The following CBL variants were observed in gnomAD, a reference collection of about 807,000 sequenced individuals.
CBL encodes the protein E3 ubiquitin-protein ligase CBL.
CBL carries 45 observed loss-of-function variants against 96.9 expected under a neutral mutation model. That is an observed-to-expected ratio of 0.46 (90% CI 0.37 to 0.60). The LOEUF is 0.60. Among genes scored for constraint, CBL ranks in the 20% least tolerant of loss-of-function variants. The pLI, the probability that CBL is intolerant of heterozygous loss-of-function variation, is 0.00. For synonymous variants in CBL, 420 were observed against 426.8 expected (o/e 0.98, Z 0.20); for missense variants, 1,024 against 1,143.5 (o/e 0.90, Z 1.51).
In CBL at chr11:119,306,363, T is replaced by G; in HGVS notation, c.*6582T>G. ...ATCAGCAGAGTCCTGATTGCCTGAT[T>G]CAGTCCCAAAAATGAATGTCAGGCC... On this transcript the variant is annotated 3_prime_UTR_variant, in exon 16 of 16. Coordinates refer to ENST00000264033, the MANE Select transcript of CBL (RefSeq NM_005188.4). 1 of 398,810 alleles carries G rather than the reference T, an allele frequency of 2.5e-6. No homozygotes were observed. Among genetic ancestry groups the G allele is most frequent in the South Asian group, 1.3e-4 (1 of 7,858 alleles). The allele number at this position is 398,810 out of a possible 1,614,324, so 24.7% of individuals were successfully genotyped here. A position where few individuals can be genotyped will look rare whatever the true frequency, so the allele number is the denominator to read the frequency against.
chr11:119,220,641 A>G (rs1000524462), intron 1 of CBL, among the ~76,000 whole-genome samples: 3 of 152,192 alleles, frequency 2.0e-5, no homozygotes, highest in Non-Finnish European at 4.4e-5. Flanking sequence ...CTGCATGGTT[A>G]AGTTTTCAGA....
At chr11:119,295,337 G>A (rs7105971) in intron 12 of CBL, among the ~76,000 whole-genome samples, 38,751 of 151,910 alleles carry the variant, frequency 0.26, 5,135 homozygotes, top group East Asian at 0.34. Context: ...CAACAGAAAC[G>A]TATCAATTCC....
In CBL at chr11:119,305,318, T is replaced by C; in HGVS notation, c.*5537T>C. 4.3e-6 allele frequency: 1 copy of C among 232,332 alleles called. No individual in the cohort carries two copies. Among genetic ancestry groups the C allele is most frequent in the Non-Finnish European group, 8.5e-6 (1 of 117,424 alleles). 14.4% of individuals were successfully genotyped at this position (232,332 alleles called of 1,614,324 possible). ...TCCTGTTCCAGAGCTAGCCTGTTCC[T>C]GGGTAGCCTTCCTTAGCCTCCATTC... On this transcript the variant is annotated 3_prime_UTR_variant, in exon 16 of 16. Transcript: ENST00000264033.
intron 2 of CBL, among the ~76,000 whole-genome samples, chr11:119,242,071 A>T (rs1306636530): frequency 6.6e-6 from 1 of 152,200 alleles, no homozygotes; most frequent in Non-Finnish European, 1.5e-5. Flanking sequence ...ATGGAAATAG[A>T]TGGATAGGTT....
intron 1 of CBL, among the ~76,000 whole-genome samples, chr11:119,219,988 T>G (rs1949395436): frequency 6.6e-6 from 1 of 152,098 alleles, no homozygotes; most frequent in Non-Finnish European, 1.5e-5. Context: ...TAGCTGGGAT[T>G]ACAGGTGTGC....
chr11:119,283,898 A>G (rs1459128118), intron 9 of CBL, among the ~76,000 whole-genome samples: 4 of 151,948 alleles, frequency 2.6e-5, no homozygotes, highest in Admixed American at 2.6e-4. Flanking sequence ...CAGCCTCCCA[A>G]AGTGCTGCGA....
At chr11:119,270,432 ATATATTTTTTT>A (rs1949835869) in intron 2 of CBL, among the ~76,000 whole-genome samples, 1 of 52,286 alleles carries the variant, frequency 1.9e-5, no homozygotes, top group African/African-American at 8.6e-5. Context: ...ATATATATAT[ATATATTTTTTT>A]TTTTTTTTTT....
At chr11:119,280,628 A>C (rs926893771) in intron 9 of CBL, among the ~76,000 whole-genome samples, 2 of 152,154 alleles carry the variant, frequency 1.3e-5, no homozygotes, top group Non-Finnish European at 2.9e-5. Flanking sequence ...ATTGCTAAAA[A>C]AAACTTACAA....
rs916705138 is a variant in CBL, at chr11:119,301,833, G to A, written c.*2052G>A. ...ACTTCTAACAGCCAGTACACACACTGTTTCATTTTGAGGTAACGTTCAGTT... is the reference window on the plus strand; with the variant it reads ...ACTTCTAACAGCCAGTACACACACTATTTCATTTTGAGGTAACGTTCAGTT... On this transcript the variant is annotated 3_prime_UTR_variant, in exon 16 of 16. Coordinates refer to ENST00000264033, the MANE Select transcript of CBL (RefSeq NM_005188.4). The A allele has an allele frequency of 2.1e-5, 5 of 232,814 alleles. No individual in the cohort carries two copies. Among genetic ancestry groups the A allele is most frequent in the East Asian group, 6.0e-5 (1 of 16,590 alleles). The allele number at this position is 232,814 out of a possible 1,614,324, so 14.4% of individuals were successfully genotyped here.
chr11:119,263,296 A>G (rs1949768528), intron 2 of CBL, among the ~76,000 whole-genome samples: 1 of 152,192 alleles, frequency 6.6e-6, no homozygotes, highest in African/African-American at 2.4e-5. Flanking sequence ...TTAAGTGGTA[A>G]TTGAGAAGTC....
At chr11:119,218,619 G>A (rs868533544) in intron 1 of CBL, among the ~76,000 whole-genome samples, 82 of 152,066 alleles carry the variant, frequency 5.4e-4, no homozygotes, top group African/African-American at 2.0e-3. Context: ...ATGCAGTGTA[G>A]ATACATACTG....
In CBL at chr11:119,222,026, A is replaced by G. The variant is rs146383749; in HGVS notation, c.196-10422A>G. ...TCTTCTTGACAGGAGGTTAATATTCATCCTTTTAAATTATAATGACATTTT... is the reference window on the plus strand; with the variant it reads ...TCTTCTTGACAGGAGGTTAATATTCGTCCTTTTAAATTATAATGACATTTT... On this transcript the variant is annotated intron_variant, in intron 1 of 15. Transcript: ENST00000264033. Among the ~76,000 whole-genome samples, 150 of 152,244 alleles carry G rather than the reference A, an allele frequency of 9.9e-4. 1 individual carries two copies. The highest frequency in any genetic ancestry group is 3.4e-3 in the African/African-American group (143 of 41,548).
At chr11:119,249,645 G>A (rs1592385814) in intron 2 of CBL, among the ~76,000 whole-genome samples, 1 of 147,264 alleles carries the variant, frequency 6.8e-6, no homozygotes, top group Non-Finnish European at 1.5e-5. Flanking sequence ...TATTATTTTG[G>A]TACAGTTTCT....
At chr11:119,245,193 C>T (rs534917034) in intron 2 of CBL, among the ~76,000 whole-genome samples, 3 of 135,768 alleles carry the variant, frequency 2.2e-5, no homozygotes, top group Non-Finnish European at 3.2e-5. Context: ...TTTTTTTAAA[C>T]CAGATATCTA....
intron 2 of CBL, among the ~76,000 whole-genome samples, chr11:119,248,437 C>T (rs1949647876): frequency 6.6e-6 from 1 of 152,154 alleles, no homozygotes; most frequent in Non-Finnish European, 1.5e-5. Context: ...AAGTTGGATC[C>T]TTTCCTTATG....
chr11:119,302,628 T>G lies in CBL; in HGVS notation c.*2847T>G, dbSNP rs1032009316. The G allele has an allele frequency of 4.3e-6, 1 of 231,170 alleles. No individual in the cohort carries two copies. The highest frequency in any genetic ancestry group is 5.6e-5 in the Admixed American group (1 of 17,722). 14.3% of individuals were successfully genotyped at this position (231,170 alleles called of 1,614,324 possible). A position where few individuals can be genotyped will look rare whatever the true frequency, so the allele number is the denominator to read the frequency against. On this transcript the variant is annotated 3_prime_UTR_variant, in exon 16 of 16. Transcript: ENST00000264033. ...CATGCTTTCCCTGGGTCTTCACGGA[T>G]TGCTTTCCAAGCTGCCTTGTTGCGG...
rs538190997 is a variant in CBL, at chr11:119,278,241, G to A, written c.1171G>A (p.Val391Ile). The change falls in exon 8 of 16, where the codon GTA (valine) becomes ATA (isoleucine). Residue 391 changes from valine to isoleucine, a missense_variant. Val to Ile is a conservative substitution (Grantham distance 29). Transcript: ENST00000264033. ...AATATGTGCTGAAAATGATAAGGAT[G>A]TAAAGATTGAGCCCTGTGGACACCT... ...CKICAENDKD[V>I]KIEPCGHLMC... The A allele has an allele frequency of 6.2e-7, 1 of 1,613,430 alleles. No individual in the cohort carries two copies. Among genetic ancestry groups the A allele is most frequent in the African/African-American group, 1.3e-5 (1 of 75,014 alleles).
chr11:119,297,646 C>T (rs1018972005), intron 14 of CBL, among the ~76,000 whole-genome samples, 165 bp downstream of exon 14: 5 of 152,126 alleles, frequency 3.3e-5, no homozygotes, highest in African/African-American at 7.2e-5. Flanking sequence ...TTAGTAGAGA[C>T]GGGGTTTCAC....
chr11:119,267,680 A>G (rs1949814098), intron 2 of CBL, among the ~76,000 whole-genome samples: 1 of 152,212 alleles, frequency 6.6e-6, no homozygotes, highest in Non-Finnish European at 1.5e-5. Flanking sequence ...ACATGTCATA[A>G]AAGCAAGAAT....
Sources: gnomAD v4.1 joint callset for allele counts (sites outside exome capture counted in the v4.1 genomes callset) on GRCh38, gnomAD v4.1.1 for gene constraint, MANE v1.5 for transcripts, NCBI Gene and HGNC (gene_info 2026-07-23, HGNC 2026-07-21) for gene names.